The following TSPOAP1 variants were observed in gnomAD, a reference collection of about 807,000 sequenced individuals.
TSPOAP1 encodes the protein TSPO associated protein 1.
Under a neutral mutation model 197.0 loss-of-function variants are expected in TSPOAP1, and 87 were observed. The observed-to-expected ratio is 0.44, with a 90% CI of 0.37 to 0.53. The LOEUF is 0.53. Ranked by LOEUF, TSPOAP1 falls within the 20% of genes least tolerant of loss-of-function variation. TSPOAP1 has a pLI of 0.00. For synonymous variants in TSPOAP1, 913 were observed against 998.9 expected (o/e 0.91, Z 1.62); for missense variants, 2,174 against 2,411.3 (o/e 0.90, Z 2.06).
In TSPOAP1 at chr17:58,311,001, G is replaced by A. The variant is rs1334030268; in HGVS notation, c.3294C>T (p.Ala1098=). ...GGGAGGCTGAAGCAAGGGGCGCTCT[G>A]GCCTCTGGGCTTGGGTGCGGTGAGG... The part of the protein sequence containing the change: ...SCPSPHPSPE[A]RAPLASASPG... The change falls in exon 19 of 32, where the codon GCC becomes GCT. Residue 1098 remains alanine, a synonymous_variant. Transcript: ENST00000343736. The A allele has an allele frequency of 1.2e-6, 2 of 1,600,652 alleles. No individual in the cohort carries two copies. Among genetic ancestry groups the A allele is most frequent in the Admixed American group, 1.7e-5 (1 of 57,704 alleles).
Position 58,326,639 on chromosome 17 carries a change from C to T in TSPOAP1, c.441+44G>A. The T allele has an allele frequency of 1.6e-5, 25 of 1,597,062 alleles. No individual in the cohort carries two copies. Among genetic ancestry groups the T allele is most frequent in the Non-Finnish European group, 2.1e-5 (25 of 1,165,274 alleles). On this transcript the variant is annotated intron_variant, in intron 2 of 31. Transcript: ENST00000343736. This position sits in a 1 kb window ranked among gnomAD's most constrained non-coding sequence, Gnocchi z 4.7. ...GTGAGGAGGGCACTGAGGCAGAGGG[C>T]CTGGCTCCAGCCAGAACGCAGCACC...
At chr17:58,316,580 TG>T in intron 14 of TSPOAP1, 40 bp from the exon 15 acceptor site, 2 of 1,537,456 alleles carry the variant, frequency 1.3e-6, no homozygotes, top group Non-Finnish European at 1.8e-6. Context: ...CTTCAGGGCC[TG>T]GGGCCAAGCG....
Position 58,312,242 on chromosome 17 carries a change from T to C in TSPOAP1, c.2579A>G (p.Gln860Arg). The C allele has an allele frequency of 6.2e-7, 1 of 1,612,592 alleles. No individual in the cohort carries two copies. Among genetic ancestry groups the C allele is most frequent in the Non-Finnish European group, 8.5e-7 (1 of 1,179,710 alleles). The change falls in exon 17 of 32, where the codon CAG becomes CGG. Residue 860 changes from glutamine to arginine, a missense_variant. Around this residue, in one of 5 missense-constraint regions of TSPOAP1, gnomAD observed 1,933 missense variants for 2,139.0 expected, o/e 0.90. Transcript: ENST00000343736. ...AGAGCTGCCCCGGCTAGTCAGGGCCTGGACAGAAATGTGAAGGGGCCCGGC... is the reference window on the plus strand; with the variant it reads ...AGAGCTGCCCCGGCTAGTCAGGGCCCGGACAGAAATGTGAAGGGGCCCGGC... ...LWAGPLHISV[Q>R]ALTSRGSSDP...
intron 16 of TSPOAP1, among the ~76,000 whole-genome samples, chr17:58,313,935 T>TA (rs1479076175): frequency 2.0e-5 from 3 of 152,242 alleles, no homozygotes; most frequent in Non-Finnish European, 4.4e-5. Flanking sequence ...GAGAGTATTT[T>TA]AAAACATTTG....
Position 58,324,990 on chromosome 17 carries a change from A to T in TSPOAP1, c.763T>A (p.Trp255Arg). ...CGATCGAAGTCCCGCACGTGGAGCC[A>T]CTGGGGACCCTCCTGAGGTTGGGGG... ...LTLVGKEGPQ[W>R]LHVRDFDRLL... is the part of the protein sequence containing the mutation. Residue 255 changes from tryptophan (W) to arginine (R), a missense_variant, in exon 5 of 32, where the codon TGG (tryptophan) becomes AGG (arginine). This residue lies in a region of TSPOAP1 where 1,933 missense variants were observed against 2,139.0 expected (regional missense o/e 0.90). Transcript: ENST00000343736. This position sits in a 1 kb window ranked among gnomAD's most constrained non-coding sequence, Gnocchi z 5.8. 6.5e-7 allele frequency: 1 copy of T among 1,534,524 alleles called. No homozygotes were observed. The highest frequency in any genetic ancestry group is 1.2e-5 in the South Asian group (1 of 82,708).
intron 26 of TSPOAP1, among the ~76,000 whole-genome samples, 180 bp from the exon 27 acceptor site, chr17:58,306,045 C>T (rs550080372): frequency 4.2e-4 from 64 of 152,338 alleles, no homozygotes; most frequent in Non-Finnish European, 6.2e-4. Flanking sequence ...GTAAATGGCA[C>T]GCTCTGGGAT....
chr17:58,323,113 C>A, intron 7 of TSPOAP1, 74 bp from the exon 8 acceptor site: 1 of 1,533,442 alleles, frequency 6.5e-7, no homozygotes. Flanking sequence ...GAGGACCCTG[C>A]CCTCCTCCCA....
chr17:58,309,129 G>C lies in TSPOAP1; in HGVS notation c.4143C>G (p.Pro1381=). 6.2e-7 allele frequency: 1 copy of C among 1,613,920 alleles called. No homozygotes were observed. The highest frequency in any genetic ancestry group is 8.5e-7 in the Non-Finnish European group (1 of 1,180,030). The part of the protein sequence containing the change: ...SGQPRRPGQC[P]LSPESSRAGD... ...CAGCCCTGGAGGACTCAGGAGACAA[G>C]GGACACTGGCCAGGTCTTCGGGGCT... Residue 1381 remains proline (P), a synonymous_variant, in exon 22 of 32, where the codon CCC becomes CCG. Coordinates refer to ENST00000343736, the MANE Select transcript of TSPOAP1 (RefSeq NM_004758.4). This position sits in a 1 kb window ranked among gnomAD's most constrained non-coding sequence, Gnocchi z 5.0.
In TSPOAP1 at chr17:58,323,562, G is replaced by A; in HGVS notation, c.943-17C>T. The A allele has an allele frequency of 6.2e-7, 1 of 1,611,806 alleles. No individual in the cohort carries two copies. The highest frequency in any genetic ancestry group is 8.5e-7 in the Non-Finnish European group (1 of 1,178,702). ...GGGCGTGGCCTGGAAATGCCCAGGG[G>A]CAAGGGGCTGGCACCTGAGAACAGG... On this transcript the variant is annotated splice_polypyrimidine_tract_variant and intron_variant, in intron 5 of 31. Transcript: ENST00000343736.
intron 10 of TSPOAP1, among the ~76,000 whole-genome samples, chr17:58,321,471 T>C (rs1401145904): frequency 6.6e-6 from 1 of 152,120 alleles, no homozygotes; most frequent in African/African-American, 2.4e-5. Context: ...TTAATTTTTG[T>C]ATTTTTGGTA....
In TSPOAP1 at chr17:58,310,078, G is replaced by A. The variant is rs761195145; in HGVS notation, c.3780C>T (p.Ile1260=). The change falls in exon 21 of 32, where the codon ATC becomes ATT. Residue 1260 remains isoleucine, a synonymous_variant. Coordinates refer to ENST00000343736, the MANE Select transcript of TSPOAP1 (RefSeq NM_004758.4). ...DHGRNSDLSD[I]QEEEEEEEEE... ...CCTCCTCCTCTTCCTCTTCCTCCTG[G>A]ATGTCTGACAGGTCTGAGTTGCGGC... 6.2e-7 allele frequency: 1 copy of A among 1,613,386 alleles called. No individual in the cohort carries two copies. Among genetic ancestry groups the A allele is most frequent in the Non-Finnish European group, 8.5e-7 (1 of 1,180,014 alleles).
chr17:58,323,159 G>C, intron 7 of TSPOAP1, 120 bp from the exon 8 acceptor site: 1 of 1,462,094 alleles, frequency 6.8e-7, no homozygotes, highest in Non-Finnish European at 9.5e-7. Flanking sequence ...ACCTGCACCA[G>C]CCAGGAAAGG....
At position 58,322,543 on chromosome 17, in the gene TSPOAP1, G is replaced by C; in HGVS notation, c.1317+111C>G. ...TACAAAGGAAACTGAGCCTGGAGCA[G>C]CTCCAGGCCCAGGCCTCAGAGCTAG... On this transcript the variant is annotated intron_variant, in intron 9 of 31. Coordinates refer to ENST00000343736, the MANE Select transcript of TSPOAP1 (RefSeq NM_004758.4). This position sits in a 1 kb window ranked among gnomAD's most constrained non-coding sequence, Gnocchi z 5.0. The C allele has an allele frequency of 1.3e-6, 2 of 1,557,296 alleles. No individual in the cohort carries two copies. Among genetic ancestry groups the C allele is most frequent in the Non-Finnish European group, 1.7e-6 (2 of 1,153,174 alleles).
In TSPOAP1 at chr17:58,315,890, G is replaced by GGGATGGAT. The variant is rs199737483; in HGVS notation, c.2098+125_2098+132dup. 2,825 of 682,720 alleles carry GGGATGGAT rather than the reference G, an allele frequency of 4.1e-3. 9 individuals are homozygous for GGGATGGAT. The highest frequency in any genetic ancestry group is 8.0e-3 in the Middle Eastern group (20 of 2,488). The allele number at this position is 682,720 out of a possible 1,614,324, so 42.3% of individuals were successfully genotyped here. On this transcript the variant is annotated intron_variant, in intron 16 of 31. Coordinates refer to ENST00000343736, the MANE Select transcript of TSPOAP1 (RefSeq NM_004758.4). ...GGTGGGCTGAGCACGCTGGGCAGAG[G>GGGATGGAT]GGATGGATGGATGGATGGATGGATG...
At position 58,305,149 on chromosome 17, in the gene TSPOAP1, C is replaced by A. The variant is rs766854785; in HGVS notation, c.5456G>T (p.Gly1819Val). The A allele has an allele frequency of 6.2e-7, 1 of 1,613,716 alleles. No homozygotes were observed. Among genetic ancestry groups the A allele is most frequent in the Non-Finnish European group, 8.5e-7 (1 of 1,179,828 alleles). The change falls in exon 30 of 32, where the codon GGC becomes GTC. Residue 1819 changes from glycine to valine, a missense_variant. Around this residue, in one of 5 missense-constraint regions of TSPOAP1, gnomAD observed 60 missense variants for 56.2 expected, o/e 1.07. Coordinates refer to ENST00000343736, the MANE Select transcript of TSPOAP1 (RefSeq NM_004758.4). ...CTCCAGGAAGTTGGATGGAACCAGG[C>A]CCCTTTGTCCATTTAATTCCCCCTG... ...FYYGELNGQRGLVPSNFLEGP... is the reference protein window; with the variant it reads ...FYYGELNGQRVLVPSNFLEGP...
intron 12 of TSPOAP1, 150 bp downstream of exon 12, chr17:58,319,959 G>A (rs1401087038): frequency 1.9e-6 from 2 of 1,043,106 alleles, no homozygotes; most frequent in Non-Finnish European, 2.9e-6. Context: ...CACGTGTCCT[G>A]TGGGAACTCC....
Position 58,304,904 on chromosome 17 carries a change from C to T in TSPOAP1, c.5544+157G>A, listed in dbSNP as rs1400745273. On this transcript the variant is annotated intron_variant, in intron 30 of 31. Coordinates refer to ENST00000343736, the MANE Select transcript of TSPOAP1 (RefSeq NM_004758.4). This position sits in a 1 kb window ranked among gnomAD's most constrained non-coding sequence, Gnocchi z 4.2. Reference sequence around the variant, plus strand: ...ACTGGGGGGCAGCTGCTTGGTGGGGCTCCCCTCTGGTGGTCAATTAGCGGC... The same window carrying T: ...ACTGGGGGGCAGCTGCTTGGTGGGGTTCCCCTCTGGTGGTCAATTAGCGGC... 5 of 709,328 alleles carry T rather than the reference C, an allele frequency of 7.0e-6. No individual in the cohort carries two copies. The highest frequency in any genetic ancestry group is 1.3e-5 in the Non-Finnish European group (5 of 387,696). The allele number at this position is 709,328 out of a possible 1,614,324, so 43.9% of individuals were successfully genotyped here.
chr17:58,305,626 G>C lies in TSPOAP1; in HGVS notation c.5275C>G (p.Pro1759Ala), dbSNP rs1970859503. The change falls in exon 28 of 32, where the codon CCC becomes GCC. Residue 1759 changes from proline to alanine, a missense_variant. Transcript: ENST00000343736. ...QPCPGPPKLV[P>A]SADLKAPHSM... ...TGGGGAGCTTTCAGGTCAGCAGAGG[G>C]GACCAGCTTAGGGGGGCCTGCAGGG... is the stretch of plus-strand genomic sequence containing the variant. 1.3e-6 allele frequency: 2 copies of C among 1,549,328 alleles called. No individual in the cohort carries two copies. The highest frequency in any genetic ancestry group is 1.2e-5 in the South Asian group (1 of 80,100).
At chr17:58,311,751 G>A (rs775937512) in intron 17 of TSPOAP1, 29 bp from the exon 18 acceptor site, 1 of 1,533,746 alleles carries the variant, frequency 6.5e-7, no homozygotes, top group East Asian at 2.3e-5. Flanking sequence ...AAGACCCAGT[G>A]ATGCAGGACG....
Sources: allele counts gnomAD v4.1 joint callset (sites outside exome capture counted in the v4.1 genomes callset), GRCh38; gene constraint gnomAD v4.1.1; regional missense constraint gnomAD v4.1.1; non-coding constraint Gnocchi (gnomAD v3.1); transcripts MANE v1.5; gene names NCBI Gene and HGNC (gene_info 2026-07-23, HGNC 2026-07-21).